SHQ1: variants seen among roughly 807,000 people sequenced by gnomAD.
The protein encoded by SHQ1 is SHQ1, H/ACA ribonucleoprotein assembly factor, also known as protein SHQ1 homolog.
In SHQ1, 49 loss-of-function variants were observed where a neutral mutation model predicts 53.8. The observed-to-expected ratio is 0.91, with a 90% CI of 0.72 to 1.16. The LOEUF (loss-of-function observed/expected upper bound fraction) is 1.16. Ranked by LOEUF, SHQ1 falls within the 50% of genes most tolerant of loss-of-function variation. The probability of loss-of-function intolerance (pLI) is 0.00; values close to 1 mark genes in which losing one functional copy is unlikely to be tolerated. For synonymous variants in SHQ1, 243 were observed against 251.0 expected, an observed-to-expected ratio of 0.97 and a Z score of 0.30; for missense variants, 738 against 683.1, an observed-to-expected ratio of 1.08 and a Z score of -0.90.
the SHQ1 span, among the ~76,000 whole-genome samples, chr3:72,740,696 A>C: frequency 6.6e-6 from 1 of 152,290 alleles, no homozygotes; most frequent in African/African-American, 2.4e-5. Context: ...ATGGGCATCC[A>C]TGACTGCTTT....
intron 6 of SHQ1, among the ~76,000 whole-genome samples, chr3:72,823,057 G>A (rs1296323633): frequency 1.3e-5 from 2 of 151,434 alleles, no homozygotes; most frequent in Non-Finnish European, 2.9e-5. Context: ...GCTGAGGTAG[G>A]AGAATGGCGT....
At position 72,838,054 on chromosome 3, in the gene SHQ1, T is replaced by C. The variant is rs538125049; in HGVS notation, c.486+2991A>G. 2.0e-5 allele frequency among the ~76,000 whole-genome samples: 3 copies of C among 152,362 alleles called. No individual in the cohort carries two copies. In the East Asian group the frequency reaches 5.8e-4, roughly 29 times the overall value. The stretch of plus-strand genomic sequence containing the variant: ...CTTCAGGATTCACTCTTTCAGAGTT[T>C]AGAAAGGTAACATGGTGCACACACC... On this transcript the variant is annotated intron_variant, in intron 4 of 10. Transcript: ENST00000325599.
downstream of SHQ1, among the ~76,000 whole-genome samples, chr3:72,744,925 G>GCGGGC (rs1491302343): frequency 1.0e-4 from 12 of 119,014 alleles, no homozygotes; most frequent in African/African-American, 2.5e-4. Flanking sequence ...TGATACATTG[G>GCGGGC]GGGGGGGGGG....
At chr3:72,755,385 T>G (rs2106707667) in intron 10 of SHQ1, among the ~76,000 whole-genome samples, 1 of 152,318 alleles carries the variant, frequency 6.6e-6, no homozygotes, top group South Asian at 2.1e-4. Flanking sequence ...TTATCCCACC[T>G]TTAATACCTC....
At chr3:72,753,530 C>A (rs1705434117) in intron 10 of SHQ1, 7 of 985,416 alleles carry the variant, frequency 7.1e-6, no homozygotes, top group African/African-American at 1.7e-5. Context: ...AGAAGCACCA[C>A]TGCAGTGTCC....
intron 9 of SHQ1, among the ~76,000 whole-genome samples, chr3:72,807,402 A>G (rs1706986346): frequency 6.6e-6 from 1 of 152,214 alleles, no homozygotes; most frequent in East Asian, 1.9e-4. Context: ...TTGTTGAATA[A>G]ATCTCAAAAT....
At chr3:72,781,399 G>A (rs916468627) in intron 10 of SHQ1, among the ~76,000 whole-genome samples, 7 of 151,862 alleles carry the variant, frequency 4.6e-5, no homozygotes, top group African/African-American at 7.3e-5. Flanking sequence ...AGAAAAAGAC[G>A]GCCCTTATAC....
rs1179739916 is a variant in SHQ1, at chr3:72,841,060, C to T, written c.471G>A (p.Val157=). 6 of 1,612,748 alleles carry T rather than the reference C, an allele frequency of 3.7e-6. No individual in the cohort carries two copies. The Admixed American group carries it at 8.4e-5, about 23-fold the overall frequency. The stretch of plus-strand genomic sequence containing the variant: ...GACAACATACCTGTAACCGTTGCAA[C>T]ACTCCTGATCGTAAGTTTCCAAATC... ...HYGFGNLRSG[V]LQRLQDELSD... Residue 157 remains valine, a synonymous_variant, in exon 4 of 11, where the codon GTG becomes GTA. Transcript: ENST00000325599.
At chr3:72,740,030 C>T in the SHQ1 span, among the ~76,000 whole-genome samples, 45 of 152,350 alleles carry the variant, frequency 3.0e-4, no homozygotes, top group Middle Eastern at 0.01. Context: ...CACCACTCCT[C>T]TTCTGAAGAG....
In SHQ1 at chr3:72,766,070, G is replaced by T. The variant is rs558093874; in HGVS notation, c.1182-15234C>A. Among the ~76,000 whole-genome samples the T allele has an allele frequency of 1.6e-4, 24 of 152,210 alleles. No homozygotes were observed. The East Asian group carries it at 1.9e-3, about 12-fold the overall frequency. On this transcript the variant is annotated intron_variant, in intron 10 of 10. Transcript: ENST00000325599. ...TAGCCAGGGTGCACTTGGGCCAGGG[G>T]GTGTTCAATTTTTTGTGAGTATTTA...
intron 4 of SHQ1, 98 bp downstream of exon 4, chr3:72,840,947 T>C: frequency 7.3e-7 from 1 of 1,361,788 alleles, no homozygotes; most frequent in South Asian, 1.5e-5. Context: ...CCTCCTGTAA[T>C]ATTATTTTTA....
At chr3:72,769,118 AAC>A (rs1356317150) in intron 10 of SHQ1, among the ~76,000 whole-genome samples, 6 of 152,202 alleles carry the variant, frequency 3.9e-5, no homozygotes, top group Non-Finnish European at 7.3e-5. Context: ...CTAGAAGCCA[AAC>A]AGATGGAGTC....
At chr3:72,765,725 T>C (rs1705714245) in intron 10 of SHQ1, among the ~76,000 whole-genome samples, 1 of 151,596 alleles carries the variant, frequency 6.6e-6, no homozygotes, top group Non-Finnish European at 1.5e-5. Flanking sequence ...AGCTAATTTT[T>C]GTATTTTAGT....
At chr3:72,777,498 AT>A (rs1313339032) in intron 10 of SHQ1, among the ~76,000 whole-genome samples, 1 of 152,254 alleles carries the variant, frequency 6.6e-6, no homozygotes, top group Non-Finnish European at 1.5e-5. Context: ...AACAGAAACT[AT>A]TTCATACCCC....
chr3:72,742,651 C>T, the SHQ1 span, among the ~76,000 whole-genome samples: 1 of 131,386 alleles, frequency 7.6e-6, no homozygotes, highest in Non-Finnish European at 1.6e-5. Flanking sequence ...GAGTCTCACT[C>T]TGTTGTCCAG....
intron 4 of SHQ1, among the ~76,000 whole-genome samples, chr3:72,839,734 T>C (rs368000569): frequency 1.3e-5 from 2 of 152,120 alleles, no homozygotes; most frequent in East Asian, 3.9e-4. Context: ...CTTAAGATAA[T>C]AAACCACATT....
chr3:72,825,687 G>A (rs1391656600), intron 5 of SHQ1, among the ~76,000 whole-genome samples: 1 of 152,112 alleles, frequency 6.6e-6, no homozygotes, highest in Non-Finnish European at 1.5e-5. Flanking sequence ...ATAACTCATG[G>A]TGAAAATTTT....
At chr3:72,740,382 C>A in the SHQ1 span, among the ~76,000 whole-genome samples, 2 of 152,128 alleles carry the variant, frequency 1.3e-5, no homozygotes, top group Non-Finnish European at 2.9e-5. Context: ...TGAAAGGTGT[C>A]CAAATTGGGA....
intron 2 of SHQ1, among the ~76,000 whole-genome samples, chr3:72,842,769 C>A (rs1192482752): frequency 6.6e-6 from 1 of 152,104 alleles, no homozygotes; most frequent in South Asian, 2.1e-4. Flanking sequence ...CAGAAGCTGT[C>A]ATTTCTATCA....
Sources: gnomAD v4.1 joint callset for allele counts (sites outside exome capture counted in the v4.1 genomes callset) on GRCh38, gnomAD v4.1.1 for gene constraint, MANE v1.5 for transcripts, NCBI Gene and HGNC (gene_info 2026-07-23, HGNC 2026-07-21) for gene names.